Variants in ANKS1B observed in about 807,000 individuals in gnomAD.
The protein encoded by ANKS1B is ankyrin repeat and sterile alpha motif domain-containing protein 1B.
Under a neutral mutation model 148.3 loss-of-function variants are expected in ANKS1B, and 36 were observed. The observed-to-expected ratio is 0.24, with a 90% CI of 0.19 to 0.32. ANKS1B has a LOEUF of 0.32. Ranked by LOEUF, ANKS1B falls within the 10% of genes least tolerant of loss-of-function variation. The pLI is 1.00. For missense variants in ANKS1B, 1,157 were observed against 1,542.6 expected (o/e 0.75, Z 4.19); for synonymous variants, 542 against 560.8 (o/e 0.97, Z 0.47).
intron 9 of ANKS1B, among the ~76,000 whole-genome samples, chr12:99,584,418 G>C (rs118154122): frequency 2.8e-4 from 42 of 152,136 alleles, no homozygotes; most frequent in African/African-American, 9.6e-4. Flanking sequence ...TGGTCAACAT[G>C]GTGAAACTCC....
intron 11 of ANKS1B, among the ~76,000 whole-genome samples, chr12:99,416,762 G>A (rs1796626084): frequency 1.3e-5 from 2 of 152,174 alleles, no homozygotes; most frequent in African/African-American, 4.8e-5. Flanking sequence ...TTAGATATGT[G>A]ATTTATAAAT....
At chr12:99,890,084 C>T (rs950101888) in intron 1 of ANKS1B, among the ~76,000 whole-genome samples, 1 of 152,038 alleles carries the variant, frequency 6.6e-6, no homozygotes, top group Non-Finnish European at 1.5e-5. Flanking sequence ...AAAGCATGGT[C>T]GCTGATTAAC....
intron 10 of ANKS1B, among the ~76,000 whole-genome samples, chr12:99,500,473 A>G (rs1438655942): frequency 6.6e-6 from 1 of 152,130 alleles, no homozygotes; most frequent in Non-Finnish European, 1.5e-5. Flanking sequence ...GTGTTCCTCT[A>G]TTCCCCAGTT....
At chr12:99,383,905 C>T (rs1047098556) in intron 12 of ANKS1B, among the ~76,000 whole-genome samples, 1 of 151,524 alleles carries the variant, frequency 6.6e-6, no homozygotes, top group Non-Finnish European at 1.5e-5. Flanking sequence ...TGTTGCATGC[C>T]TGTAGTCTCA....
chr12:99,915,310 C>T (rs543755711), intron 1 of ANKS1B, among the ~76,000 whole-genome samples: 4 of 151,338 alleles, frequency 2.6e-5, no homozygotes, highest in South Asian at 2.1e-4. Context: ...ACCTATTCAC[C>T]GAAAAAGTCA....
At chr12:99,010,134 G>A (rs992556741) in intron 17 of ANKS1B, among the ~76,000 whole-genome samples, 16 of 152,186 alleles carry the variant, frequency 1.1e-4, no homozygotes, top group Admixed American at 6.5e-5. Flanking sequence ...CTTGGGAGAG[G>A]CAGAGGAGTG....
intron 1 of ANKS1B, among the ~76,000 whole-genome samples, chr12:99,917,394 G>A (rs1173493589): frequency 2.0e-5 from 3 of 152,152 alleles, no homozygotes; most frequent in African/African-American, 7.2e-5. Context: ...ATAATGTCAG[G>A]GATGGAGGCT....
chr12:99,842,871 C>A lies in ANKS1B; in HGVS notation c.135-17482G>T, dbSNP rs527986335. 9.7e-4 allele frequency among the ~76,000 whole-genome samples: 147 copies of A among 152,256 alleles called. 1 individual carries two copies. Among genetic ancestry groups the A allele is most frequent in the Non-Finnish European group, 1.7e-3 (118 of 68,000 alleles). On this transcript the variant is annotated intron_variant, in intron 1 of 26. Transcript: ENST00000683438. ...TCTATTTTTTAGGGAGAGATGTGTA[C>A]TTTTCAAGCTTATTAATTGCATAAT...
At chr12:98,946,013 C>T (rs991906153) in intron 17 of ANKS1B, among the ~76,000 whole-genome samples, 1 of 152,194 alleles carries the variant, frequency 6.6e-6, no homozygotes, top group Non-Finnish European at 1.5e-5. Flanking sequence ...GAAATGACCA[C>T]GTGGTTGAGG....
intron 24 of ANKS1B, among the ~76,000 whole-genome samples, chr12:98,778,176 A>C (rs922090580): frequency 2.0e-5 from 3 of 152,184 alleles, no homozygotes; most frequent in African/African-American, 7.2e-5. Context: ...TACGATGAAA[A>C]CATAAAATAT....
intron 9 of ANKS1B, among the ~76,000 whole-genome samples, chr12:99,566,120 A>G (rs978828272): frequency 1.3e-5 from 2 of 152,210 alleles, no homozygotes; most frequent in African/African-American, 4.8e-5. Flanking sequence ...TTTGGCAGCC[A>G]TTTCTGAATT....
At chr12:98,813,278 C>T (rs887537959) in intron 19 of ANKS1B, among the ~76,000 whole-genome samples, 1 of 151,312 alleles carries the variant, frequency 6.6e-6, no homozygotes, top group African/African-American at 2.4e-5. Flanking sequence ...GTGGTGCAAC[C>T]ATGGCTCACT....
intron 8 of ANKS1B, among the ~76,000 whole-genome samples, chr12:99,738,354 G>T (rs977734024): frequency 1.3e-5 from 2 of 152,116 alleles, no homozygotes; most frequent in African/African-American, 4.8e-5. Flanking sequence ...GAACAATACA[G>T]AAGTCTTCCA....
At chr12:99,648,165 AAAGG>A (rs749851760) in intron 9 of ANKS1B, 2 of 1,606,460 alleles carry the variant, frequency 1.2e-6, no homozygotes, top group South Asian at 2.2e-5. Flanking sequence ...GTCTTGATTT[AAAGG>A]AAGACATGGA....
At chr12:98,898,095 C>A (rs931055704) in intron 17 of ANKS1B, among the ~76,000 whole-genome samples, 1 of 152,272 alleles carries the variant, frequency 6.6e-6, no homozygotes, top group East Asian at 1.9e-4. Flanking sequence ...GAAAAATTAC[C>A]TATTAGGTAT....
At chr12:98,848,393 T>C (rs968396502) in intron 17 of ANKS1B, among the ~76,000 whole-genome samples, 1 of 152,192 alleles carries the variant, frequency 6.6e-6, no homozygotes, top group African/African-American at 2.4e-5. Context: ...CATAATATTA[T>C]TCACATAGTG....
At chr12:99,508,876 T>C (rs1399908896) in intron 9 of ANKS1B, among the ~76,000 whole-genome samples, 1 of 151,920 alleles carries the variant, frequency 6.6e-6, no homozygotes, top group African/African-American at 2.4e-5. Flanking sequence ...TTTACAGATA[T>C]TGCATTTTTA....
chr12:99,095,974 C>T (rs1474206224), intron 15 of ANKS1B, among the ~76,000 whole-genome samples: 1 of 152,166 alleles, frequency 6.6e-6, no homozygotes, highest in Non-Finnish European at 1.5e-5. Context: ...CTAACAGGTT[C>T]TAAATCTGGG....
At chr12:99,855,460 A>T (rs1701239531) in intron 1 of ANKS1B, among the ~76,000 whole-genome samples, 1 of 152,176 alleles carries the variant, frequency 6.6e-6, no homozygotes, top group African/African-American at 2.4e-5. Flanking sequence ...AGTCAATAAC[A>T]GTGGGAAACT....
Sources: gnomAD v4.1 joint callset for allele counts (sites outside exome capture counted in the v4.1 genomes callset) on GRCh38, gnomAD v4.1.1 for gene constraint, MANE v1.5 for transcripts, NCBI Gene and HGNC (gene_info 2026-07-23, HGNC 2026-07-21) for gene names.